The following FBXW4 variants were observed in gnomAD, a reference collection of about 807,000 sequenced individuals.
The protein encoded by FBXW4 is F-box and WD repeat domain containing 4.
In FBXW4, 40 loss-of-function variants were observed where a neutral mutation model predicts 61.8. The observed-to-expected ratio is 0.65, with a 90% confidence interval of 0.50 to 0.84. The LOEUF (loss-of-function observed/expected upper bound fraction) is 0.84, where lower values mean the gene tolerates loss of function less well. Among genes scored for constraint, FBXW4 ranks in the 40% least tolerant of loss-of-function variants. FBXW4 has a pLI of 0.00. For missense variants in FBXW4, 672 were observed against 753.8 expected (o/e 0.89, Z 1.27); for synonymous variants, 311 against 313.8 (o/e 0.99, Z 0.10).
At chr10:101,675,081 A>C (rs2064394800) in intron 2 of FBXW4, among the ~76,000 whole-genome samples, 1 of 152,220 alleles carries the variant, frequency 6.6e-6, no homozygotes. Context: ...AAAGTTCTGC[A>C]AATTGACTTG....
rs1365012790 is a variant in FBXW4 at position 101,611,772 on chromosome 10, G to A, written c.1443-3C>T. 6.2e-7 allele frequency: 1 copy of A among 1,611,556 alleles called. No individual in the cohort carries two copies. The highest frequency in any genetic ancestry group is 1.1e-5 in the South Asian group (1 of 91,004). ...CCTCCCACTCCATGACACATTTCCT[G>A]TCCAGGAAGAGGAGAAGCAGAGGGA... On this transcript the variant is annotated splice_region_variant and splice_polypyrimidine_tract_variant and intron_variant, in intron 7 of 8. Transcript: ENST00000331272. This position sits in a 1 kb window ranked among gnomAD's most constrained non-coding sequence, Gnocchi z 4.9.
At chr10:101,648,054 G>A (rs767996297) in intron 5 of FBXW4, among the ~76,000 whole-genome samples, 64 of 152,206 alleles carry the variant, frequency 4.2e-4, no homozygotes, top group Admixed American at 7.2e-4. Flanking sequence ...AATCATCAGG[G>A]AGGTCCCTGT....
At chr10:101,679,111 A>T (rs1564925083) in intron 1 of FBXW4, among the ~76,000 whole-genome samples, 1 of 152,182 alleles carries the variant, frequency 6.6e-6, no homozygotes, top group Non-Finnish European at 1.5e-5. Context: ...CATGTTGCCC[A>T]GGCTGGTCTC....
intron 6 of FBXW4, among the ~76,000 whole-genome samples, chr10:101,620,647 AT>A (rs553911024): frequency 7.3e-5 from 11 of 151,690 alleles, no homozygotes; most frequent in Admixed American, 2.6e-4. Flanking sequence ...TCTGTTTTTA[AT>A]TTTTTTTTGA....
chr10:101,652,499 A>G (rs905301002), intron 5 of FBXW4, among the ~76,000 whole-genome samples: 4 of 152,134 alleles, frequency 2.6e-5, no homozygotes, highest in African/African-American at 4.8e-5. Context: ...CTGAGGGGGG[A>G]AAAATTACCA....
intron 2 of FBXW4, 147 bp from the exon 3 acceptor site, chr10:101,673,820 T>C (rs904162635): frequency 2.8e-6 from 2 of 720,284 alleles, no homozygotes; most frequent in African/African-American, 3.6e-5. Context: ...CCTTCAAAAT[T>C]ACCTGCCCAT....
chr10:101,688,949 C>T (rs2064560042), intron 1 of FBXW4, among the ~76,000 whole-genome samples: 1 of 152,166 alleles, frequency 6.6e-6, no homozygotes, highest in African/African-American at 2.4e-5. Flanking sequence ...GGACCAGAAA[C>T]TAATCCAGTG....
chr10:101,619,368 G>A (rs929904437), intron 6 of FBXW4, among the ~76,000 whole-genome samples: 2 of 152,122 alleles, frequency 1.3e-5, no homozygotes, highest in Non-Finnish European at 2.9e-5. Flanking sequence ...AGACAGAAAG[G>A]CAGAAAAAGT....
chr10:101,694,045 C>T lies in FBXW4; in HGVS notation c.725+336G>A, dbSNP rs1370413680. On this transcript the variant is annotated intron_variant, in intron 1 of 8. Coordinates refer to ENST00000331272, the MANE Select transcript of FBXW4 (RefSeq NM_022039.4). The surrounding 1 kb of genome is among the most constrained non-coding windows in gnomAD (Gnocchi z 6.0). ...AAAGCACCGTACCAGACTGGCTCCT[C>T]TGGGGCGAAGGAACCGGGGCAGCTA... Among the ~76,000 whole-genome samples, 1 of 152,222 alleles carries T rather than the reference C, an allele frequency of 6.6e-6. No homozygotes were observed. Among genetic ancestry groups the T allele is most frequent in the Non-Finnish European group, 1.5e-5 (1 of 68,034 alleles).
At position 101,695,061 on chromosome 10, in the gene FBXW4, G is replaced by A. The variant is rs966494505; in HGVS notation, c.45C>T (p.Pro15=). Residue 15 remains proline, a synonymous_variant, in exon 1 of 9, where the codon CCC becomes CCT. Coordinates refer to ENST00000331272, the MANE Select transcript of FBXW4 (RefSeq NM_022039.4). This position sits in a 1 kb window ranked among gnomAD's most constrained non-coding sequence, Gnocchi z 4.2. ...GRSGPPGNGG[P]GEGEGGEARK... is the part of the protein sequence containing the mutation. ...TCGCCTCTCCGCCCTCGCCCTCGCC[G>A]GGCCCGCCGTTCCCGGGGGGCCCCG... 9.0e-6 allele frequency: 9 copies of A among 994,936 alleles called. No homozygotes were observed. Among genetic ancestry groups the A allele is most frequent in the African/African-American group, 1.7e-5 (1 of 57,598 alleles). 61.6% of individuals were successfully genotyped at this position (994,936 alleles called of 1,614,324 possible).
intron 5 of FBXW4, among the ~76,000 whole-genome samples, chr10:101,648,558 C>T (rs1393591327): frequency 6.6e-6 from 1 of 152,160 alleles, no homozygotes; most frequent in Non-Finnish European, 1.5e-5. Flanking sequence ...CAGCCAAGTT[C>T]ATTATCTCAG....
intron 6 of FBXW4, among the ~76,000 whole-genome samples, chr10:101,618,075 G>C (rs1454388202): frequency 6.6e-6 from 1 of 152,212 alleles, no homozygotes; most frequent in Non-Finnish European, 1.5e-5. Flanking sequence ...CTCTCAGAGT[G>C]GCCCAGCCTG....
intron 6 of FBXW4, among the ~76,000 whole-genome samples, chr10:101,622,524 G>A (rs1441482849): frequency 3.9e-5 from 6 of 152,054 alleles, no homozygotes; most frequent in Admixed American, 6.6e-5. Context: ...TCAGGAGATC[G>A]AGACCATCCT....
intron 6 of FBXW4, among the ~76,000 whole-genome samples, chr10:101,624,178 T>C (rs1187710959): frequency 6.6e-6 from 1 of 152,094 alleles, no homozygotes; most frequent in African/African-American, 2.4e-5. Context: ...CTGGTTTGAT[T>C]ATTACATATT....
At chr10:101,657,413 CACCTGAGGTCAGGAGTTCGAA>C (rs1176361972) in intron 5 of FBXW4, among the ~76,000 whole-genome samples, 1 of 152,096 alleles carries the variant, frequency 6.6e-6, no homozygotes, top group African/African-American at 2.4e-5. Context: ...TGGATGGCAT[CACCTGAGGTCAGGAGTTCGAA>C]ACCAGCCTGG....
At chr10:101,673,746 A>C (rs1454036282) in intron 2 of FBXW4, 73 bp from the exon 3 acceptor site, 1 of 1,430,104 alleles carries the variant, frequency 7.0e-7, no homozygotes, top group East Asian at 2.4e-5. Flanking sequence ...TCTTTGAAGA[A>C]GCTGACCAAT....
chr10:101,635,207 T>C (rs2063990866), intron 5 of FBXW4, among the ~76,000 whole-genome samples: 1 of 149,306 alleles, frequency 6.7e-6, no homozygotes, highest in Non-Finnish European at 1.5e-5. Context: ...GTGGCTCCTT[T>C]TGAAAATCTA....
At position 101,612,323 on chromosome 10, in the gene FBXW4, C is replaced by T. The variant is rs2134794697; in HGVS notation, c.1442+14G>A. On this transcript the variant is annotated intron_variant, in intron 7 of 8. Coordinates refer to ENST00000331272, the MANE Select transcript of FBXW4 (RefSeq NM_022039.4). ...GGGCCCCCACCACCTGTCCTCCCTG[C>T]CCAGCACACTCACCGGACGCTGGTG... 3 of 1,545,406 alleles carry T rather than the reference C, an allele frequency of 1.9e-6. No individual in the cohort carries two copies. Among genetic ancestry groups the T allele is most frequent in the African/African-American group, 1.4e-5 (1 of 73,408 alleles).
At chr10:101,643,442 G>A (rs1325237426) in intron 5 of FBXW4, among the ~76,000 whole-genome samples, 1 of 152,236 alleles carries the variant, frequency 6.6e-6, no homozygotes, top group Non-Finnish European at 1.5e-5. Context: ...ATCCTTTGCT[G>A]AGAAGGCACA....
Sources: allele counts gnomAD v4.1 joint callset (sites outside exome capture counted in the v4.1 genomes callset), GRCh38; gene constraint gnomAD v4.1.1; non-coding constraint Gnocchi (gnomAD v3.1); transcripts MANE v1.5; gene names NCBI Gene and HGNC (gene_info 2026-07-23, HGNC 2026-07-21).